UBAC2: variants seen among roughly 807,000 people sequenced by gnomAD.
UBAC2 encodes the protein UBA domain containing 2, also known as ubiquitin-associated domain-containing protein 2.
Under a neutral mutation model 44.0 loss-of-function variants are expected in UBAC2, and 26 were observed. The observed-to-expected ratio is 0.59, with a 90% CI of 0.43 to 0.82. UBAC2 has a LOEUF of 0.82. UBAC2 is among the 40% of genes least tolerant of loss of function. The pLI, the probability that UBAC2 is intolerant of heterozygous loss-of-function variation, is 0.00. For missense variants in UBAC2, 329 were observed against 419.4 expected (o/e 0.78, Z 1.88); for synonymous variants, 155 against 154.3 (o/e 1.00, Z -0.04).
At chr13:99,297,699 A>C (rs571438886) in intron 4 of UBAC2, among the ~76,000 whole-genome samples, 3 of 152,170 alleles carry the variant, frequency 2.0e-5, no homozygotes, top group African/African-American at 7.2e-5. Context: ...TGGGAAAAAA[A>C]CAAAGAATGA....
intron 4 of UBAC2, among the ~76,000 whole-genome samples, chr13:99,299,461 C>T (rs1566491812): frequency 1.3e-5 from 2 of 150,134 alleles, no homozygotes; most frequent in Non-Finnish European, 3.0e-5. Context: ...CACACACACA[C>T]GCACACACAC....
intron 4 of UBAC2, among the ~76,000 whole-genome samples, chr13:99,269,521 G>A (rs1450152425): frequency 2.0e-5 from 3 of 151,854 alleles, no homozygotes; most frequent in Non-Finnish European, 4.4e-5. Context: ...ATAAGCAAGG[G>A]GTATTTTTAA....
At chr13:99,270,319 G>A (rs2043799789) in intron 4 of UBAC2, among the ~76,000 whole-genome samples, 1 of 152,150 alleles carries the variant, frequency 6.6e-6, no homozygotes, top group Non-Finnish European at 1.5e-5. Context: ...TTGCCATTTT[G>A]TGTCTCTTTG....
At position 99,261,772 on chromosome 13, in the gene UBAC2, G is replaced by C. The variant is rs183065439; in HGVS notation, c.389+17148G>C. 9 of 152,562 alleles carry C rather than the reference G, an allele frequency of 5.9e-5. No individual in the cohort carries two copies. In the East Asian group the frequency reaches 1.7e-3, roughly 29 times the overall value. 9.5% of individuals were successfully genotyped at this position (152,562 alleles called of 1,614,324 possible). A position where few individuals can be genotyped will look rare whatever the true frequency, so the allele number is the denominator to read the frequency against. On this transcript the variant is annotated intron_variant, in intron 4 of 8. Coordinates refer to ENST00000403766, the MANE Select transcript of UBAC2 (RefSeq NM_001144072.2). ...TGGAAGAGAGATCCAGAGTCGCCAAGGCAGCAGATTGAGCAGAACTCCATG... is the reference window on the plus strand; with the variant it reads ...TGGAAGAGAGATCCAGAGTCGCCAACGCAGCAGATTGAGCAGAACTCCATG...
chr13:99,263,213 G>A (rs905776653), intron 4 of UBAC2, among the ~76,000 whole-genome samples: 2 of 152,166 alleles, frequency 1.3e-5, no homozygotes, highest in Non-Finnish European at 1.5e-5. Flanking sequence ...TCTCCTGAGG[G>A]AATAGACCAT....
At chr13:99,212,873 A>G (rs1210848863) in intron 1 of UBAC2, among the ~76,000 whole-genome samples, 1 of 152,262 alleles carries the variant, frequency 6.6e-6, no homozygotes, top group African/African-American at 2.4e-5. Flanking sequence ...TAATCTTCAA[A>G]GCCAACTTTT....
Position 99,244,547 on chromosome 13 carries a change from C to A in UBAC2, c.312C>A (p.Ala104=). 6.2e-7 allele frequency: 1 copy of A among 1,613,220 alleles called. No homozygotes were observed. Among genetic ancestry groups the A allele is most frequent in the African/African-American group, 1.3e-5 (1 of 75,002 alleles). ...SFLLGSWVLS[A]LFDFLLIEAM... ...TGCTGGGTTCCTGGGTTTTGTCAGC[C>A]TTATTTGACTTTCTCCTCATTGAAG... Residue 104 remains alanine, a synonymous_variant, in exon 4 of 9, where the codon GCC becomes GCA. Transcript: ENST00000403766.
intron 4 of UBAC2, among the ~76,000 whole-genome samples, chr13:99,281,246 A>T (rs1361982782): frequency 2.0e-5 from 3 of 152,112 alleles, no homozygotes; most frequent in African/African-American, 7.2e-5. Context: ...AAAAAGTATA[A>T]AAGTTGAATT....
rs1291018768 is a variant in UBAC2, at chr13:99,385,314, C to G, written c.1014C>G (p.Thr338=). The change falls in exon 9 of 9, where the codon ACC becomes ACG. Residue 338 remains threonine, a synonymous_variant. Coordinates refer to ENST00000403766, the MANE Select transcript of UBAC2 (RefSeq NM_001144072.2). ...RASNNDLNVA[T]NFLLQH is the part of the protein sequence containing the mutation. The stretch of plus-strand genomic sequence containing the variant: ...CAAACAATGACCTCAATGTCGCCAC[C>G]AACTTCCTGCTGCAGCACTGATAGT... 1 of 1,613,926 alleles carries G rather than the reference C, an allele frequency of 6.2e-7. No homozygotes were observed. Among genetic ancestry groups the G allele is most frequent in the Non-Finnish European group, 8.5e-7 (1 of 1,179,952 alleles).
chr13:99,237,275 C>CAG (rs1437310093), intron 1 of UBAC2, among the ~76,000 whole-genome samples: 3 of 135,212 alleles, frequency 2.2e-5, no homozygotes, highest in African/African-American at 8.5e-5. Context: ...TATATATACA[C>CAG]ACACACACAC....
At chr13:99,213,872 T>C (rs1347612709) in intron 1 of UBAC2, among the ~76,000 whole-genome samples, 1 of 152,056 alleles carries the variant, frequency 6.6e-6, no homozygotes, top group Non-Finnish European at 1.5e-5. Context: ...CAGGCTGGAG[T>C]ATAGTGGCGT....
chr13:99,320,586 CTG>C (rs2044554948), intron 6 of UBAC2, among the ~76,000 whole-genome samples: 2 of 152,152 alleles, frequency 1.3e-5, no homozygotes, highest in Admixed American at 1.3e-4. Context: ...AATTAGATGA[CTG>C]TTTATTTAAA....
intron 4 of UBAC2, among the ~76,000 whole-genome samples, chr13:99,308,272 C>T (rs2044365419): frequency 6.6e-6 from 1 of 152,178 alleles, no homozygotes; most frequent in South Asian, 2.1e-4. Context: ...ACACCTGTGG[C>T]AGTGAGGGGC....
chr13:99,352,088 G>T (rs997356281), intron 7 of UBAC2, among the ~76,000 whole-genome samples: 1 of 152,122 alleles, frequency 6.6e-6, no homozygotes, highest in Non-Finnish European at 1.5e-5. Context: ...AGGCAGATCT[G>T]CCCTGTCAAT....
At chr13:99,232,753 C>G (rs901433833) in intron 1 of UBAC2, among the ~76,000 whole-genome samples, 1 of 151,846 alleles carries the variant, frequency 6.6e-6, no homozygotes, top group Admixed American at 6.6e-5. Context: ...AAAACCCTGT[C>G]TCTACACACA....
At chr13:99,319,938 A>G (rs1213966178) in intron 6 of UBAC2, among the ~76,000 whole-genome samples, 3 of 152,166 alleles carry the variant, frequency 2.0e-5, no homozygotes, top group African/African-American at 4.8e-5. Context: ...TATTTGTTTC[A>G]CTTAGCAGTA....
At chr13:99,261,204 G>T (rs962979303) in intron 4 of UBAC2, among the ~76,000 whole-genome samples, 1 of 152,212 alleles carries the variant, frequency 6.6e-6, no homozygotes, top group African/African-American at 2.4e-5. Flanking sequence ...CCAGCAGGGG[G>T]ACAGTCAGCA....
rs930499701 is a variant in UBAC2 at position 99,372,992 on chromosome 13, C to T, written c.927+5086C>T. ...AAAATTAGCCGGGCATGGTGACGGGCGCCTGTAGTCCCACCTACTTGGGAG... is the reference window on the plus strand; with the variant it reads ...AAAATTAGCCGGGCATGGTGACGGGTGCCTGTAGTCCCACCTACTTGGGAG... On this transcript the variant is annotated intron_variant, in intron 8 of 8. Coordinates refer to ENST00000403766, the MANE Select transcript of UBAC2 (RefSeq NM_001144072.2). Among the ~76,000 whole-genome samples, 7 of 151,960 alleles carry T rather than the reference C, an allele frequency of 4.6e-5. No homozygotes were observed. In the South Asian group the frequency reaches 8.4e-4, roughly 18 times the overall value.
intron 7 of UBAC2, among the ~76,000 whole-genome samples, chr13:99,362,472 C>G (rs982047268): frequency 6.6e-6 from 1 of 152,202 alleles, no homozygotes; most frequent in Non-Finnish European, 1.5e-5. Context: ...TTTATACTCT[C>G]ATCAGCAACT....
Sources: allele counts gnomAD v4.1 joint callset (sites outside exome capture counted in the v4.1 genomes callset), GRCh38; gene constraint gnomAD v4.1.1; transcripts MANE v1.5; gene names NCBI Gene and HGNC (gene_info 2026-07-23, HGNC 2026-07-21).